Variants in ATP13A2 observed in about 807,000 individuals in gnomAD.
ATP13A2 encodes polyamine-transporting ATPase 13A2.
A neutral mutation model predicts 138.3 loss-of-function variants in ATP13A2; 83 were observed. The observed-to-expected ratio is 0.60, with a 90% confidence interval of 0.50 to 0.72. The LOEUF (loss-of-function observed/expected upper bound fraction) is 0.72, where lower values mean the gene tolerates loss of function less well. Ranked by LOEUF, ATP13A2 falls within the 30% of genes least tolerant of loss-of-function variation. ATP13A2 has a pLI of 0.00. For synonymous variants in ATP13A2, 663 were observed against 699.0 expected, an observed-to-expected ratio of 0.95 and a Z score of 0.81; for missense variants, 1,402 against 1,606.4, an observed-to-expected ratio of 0.87 and a Z score of 2.17.
In ATP13A2 at chr1:17,000,132, C is replaced by T; in HGVS notation, c.918G>A (p.Trp306Ter). Residue 306 changes from tryptophan (W) to a stop codon, truncating the protein, a stop_gained, in exon 11 of 29, where the codon TGG becomes TGA. Transcript: ENST00000326735. LOFTEE classifies it high-confidence loss of function. Reference protein sequence around the residue: ...CVCRPGGEEEWVDSSELVPGD... With the variant: ...CVCRPGGEEE ...CGGGCACTAGCTCACTGGAGTCCAC[C>T]CACTCTTCCTCTGCAGGCAGGCAGG... 6.2e-7 allele frequency: 1 copy of T among 1,613,390 alleles called. No homozygotes were observed. The highest frequency in any genetic ancestry group is 8.5e-7 in the Non-Finnish European group (1 of 1,180,008).
intron 8 of ATP13A2, chr1:17,000,840 G>A (rs1323017175): frequency 8.5e-6 from 3 of 352,580 alleles, no homozygotes; most frequent in African/African-American, 2.1e-5. Flanking sequence ...TACTCAGGAG[G>A]CTGAGGTGGG....
chr1:17,008,224 C>G (rs147650599), intron 1 of ATP13A2, among the ~76,000 whole-genome samples: 6,048 of 152,020 alleles, frequency 0.04, 157 homozygotes, highest in African/African-American at 0.069. Context: ...CTCACTGCAG[C>G]CTTGACCTCC....
chr1:17,002,148 G>A (rs371435378), intron 7 of ATP13A2, 45 bp from the exon 8 acceptor site: 9 of 1,601,904 alleles, frequency 5.6e-6, no homozygotes, highest in Non-Finnish European at 7.7e-6. Flanking sequence ...AGGAGCTGTG[G>A]CTGGACCCTC....
At chr1:16,990,498 C>T (rs1344932642) in intron 20 of ATP13A2, among the ~76,000 whole-genome samples, 2 of 152,188 alleles carry the variant, frequency 1.3e-5, no homozygotes, top group African/African-American at 4.8e-5. Flanking sequence ...GAGCCGTGGG[C>T]TGGAGCTCCA....
In ATP13A2 at chr1:17,005,607, G is replaced by C. The variant is rs751024082; in HGVS notation, c.106-51C>G. ...AGGTCGGGGTGGGAACGGGGCTGGAGTAGGAAGTTGGGGTGTCTGGGTGGG... is the reference window on the plus strand; with the variant it reads ...AGGTCGGGGTGGGAACGGGGCTGGACTAGGAAGTTGGGGTGTCTGGGTGGG... On this transcript the variant is annotated intron_variant, in intron 2 of 28. Transcript: ENST00000326735. 5.0e-6 allele frequency: 8 copies of C among 1,613,740 alleles called. No individual in the cohort carries two copies. The East Asian group carries it at 1.6e-4, about 31-fold the overall frequency.
At position 17,011,830 on chromosome 1, in the gene ATP13A2, G is replaced by A. The variant is rs1173685883; in HGVS notation, c.-92C>T. ...AGGCCCTGGGCGGGGGCGCGGTCCG[G>A]ACGGCCCGGGGCGAGGGGCGCTGGG... is the stretch of plus-strand genomic sequence containing the variant. On this transcript the variant is annotated 5_prime_UTR_variant, in exon 1 of 29. Transcript: ENST00000326735. This position sits in a 1 kb window ranked among gnomAD's most constrained non-coding sequence, Gnocchi z 7.3. The A allele has an allele frequency of 1.8e-6, 2 of 1,089,530 alleles. No homozygotes were observed. The highest frequency in any genetic ancestry group is 5.2e-5 in the Admixed American group (1 of 19,302). The allele number at this position is 1,089,530 out of a possible 1,614,324, so 67.5% of individuals were successfully genotyped here.
chr1:16,996,622 C>G, intron 12 of ATP13A2, 126 bp from the exon 13 acceptor site: 2 of 774,598 alleles, frequency 2.6e-6, no homozygotes, highest in Non-Finnish European at 4.4e-6. Context: ...TAGCCATCAG[C>G]AGTGTGGAGT....
intron 8 of ATP13A2, 87 bp downstream of exon 8, chr1:17,001,947 G>A (rs537522762): frequency 5.9e-5 from 82 of 1,392,196 alleles, no homozygotes; most frequent in East Asian, 3.1e-4. Context: ...GGTTGCCACC[G>A]TAAAGTGGCC....
intron 16 of ATP13A2, among the ~76,000 whole-genome samples, chr1:16,992,799 C>T (rs1186761708): frequency 6.6e-6 from 1 of 152,254 alleles, no homozygotes; most frequent in African/African-American, 2.4e-5. Context: ...CCTCAGCATC[C>T]GTGAAGCAAC....
rs1205042144 is a variant in ATP13A2 at position 16,986,010 on chromosome 1, A to G, written c.*211T>C. On this transcript the variant is annotated 3_prime_UTR_variant, in exon 29 of 29. Transcript: ENST00000326735. This position sits in a 1 kb window ranked among gnomAD's most constrained non-coding sequence, Gnocchi z 6.9. Reference sequence around the variant, plus strand: ...CTACACTGACAGCAGCACTGAGGGGAGCTGGGGGCTGCCACCCCTACGCGG... The same window carrying G: ...CTACACTGACAGCAGCACTGAGGGGGGCTGGGGGCTGCCACCCCTACGCGG... The G allele has an allele frequency of 1.4e-6, 2 of 1,457,308 alleles. No homozygotes were observed. Among genetic ancestry groups the G allele is most frequent in the African/African-American group, 1.4e-5 (1 of 69,670 alleles). 90.3% of individuals were successfully genotyped at this position (1,457,308 alleles called of 1,614,324 possible).
chr1:16,999,213 T>C (rs1056292502), intron 11 of ATP13A2, among the ~76,000 whole-genome samples: 1 of 151,680 alleles, frequency 6.6e-6, no homozygotes, highest in Non-Finnish European at 1.5e-5. Context: ...AAACCCCATC[T>C]CAACTAAAAA....
Position 17,000,055 on chromosome 1 carries a change from G to A in ATP13A2, c.995C>T (p.Ala332Val), listed in dbSNP as rs771794738. 7.4e-6 allele frequency: 12 copies of A among 1,613,124 alleles called. No homozygotes were observed. The South Asian group carries it at 1.3e-4, about 18-fold the overall frequency. Reference protein sequence around the residue: ...QEGGLMPCDAALVAGECMVNE... With the variant: ...QEGGLMPCDAVLVAGECMVNE... ...CACCATGCACTCGCCGGCCACCAGG[G>A]CGGCATCACAGGGCATCAGCCCACC... The change falls in exon 11 of 29, where the codon GCC becomes GTC. Residue 332 changes from alanine (A) to valine (V), a missense_variant. Transcript: ENST00000326735.
chr1:16,992,535 A>G lies in ATP13A2; in HGVS notation c.1796T>C (p.Val599Ala). The change falls in exon 17 of 29, where the codon GTC becomes GCC. Residue 599 changes from valine to alanine, a missense_variant. Physicochemically the swap from Val to Ala is moderately conservative, Grantham distance 64. Coordinates refer to ENST00000326735, the MANE Select transcript of ATP13A2 (RefSeq NM_022089.4). ...AAGTGGGGGTCTCATCACTGCCAAG[A>G]CCTGGGTCCCAAATGCTGAGTCTGC... ...PAADSAFGTQVLAVMRPPLWE... is the reference protein window; with the variant it reads ...PAADSAFGTQALAVMRPPLWE... The G allele has an allele frequency of 1.9e-6, 3 of 1,614,170 alleles. No homozygotes were observed. Among genetic ancestry groups the G allele is most frequent in the Non-Finnish European group, 2.5e-6 (3 of 1,180,014 alleles).
intron 20 of ATP13A2, among the ~76,000 whole-genome samples, chr1:16,990,720 C>T (rs750581344): frequency 4.2e-4 from 64 of 152,036 alleles, no homozygotes; most frequent in Non-Finnish European, 4.4e-5. Flanking sequence ...TGGGGTTTCA[C>T]CATGTTGGCC....
chr1:16,994,064 G>A (rs2077030725), intron 15 of ATP13A2, among the ~76,000 whole-genome samples: 2 of 151,924 alleles, frequency 1.3e-5, no homozygotes, highest in African/African-American at 4.8e-5. Context: ...TCTCTTCCAG[G>A]GTGTCTTCCT....
At chr1:17,002,231 C>A (rs1187556788) in intron 7 of ATP13A2, 65 bp downstream of exon 7, 1 of 1,592,626 alleles carries the variant, frequency 6.3e-7, no homozygotes, top group Non-Finnish European at 8.6e-7. Context: ...TGGAAGGCAA[C>A]CACATTGGGG....
In ATP13A2 at chr1:16,998,058, A is replaced by G. The variant is rs112839654; in HGVS notation, c.1040-883T>C. Among the ~76,000 whole-genome samples, 128 of 152,252 alleles carry G rather than the reference A, an allele frequency of 8.4e-4. 1 individual carries two copies. The highest frequency in any genetic ancestry group is 3.4e-3 in the Middle Eastern group (1 of 294). On this transcript the variant is annotated intron_variant, in intron 11 of 28. Transcript: ENST00000326735. The stretch of plus-strand genomic sequence containing the variant: ...TGCCTGCAGGCTGGGACTATTGAGC[A>G]CCTACTGTGTGCACATTCCTGCAAG...
At chr1:16,988,646 T>A (rs1300786514) in intron 23 of ATP13A2, among the ~76,000 whole-genome samples, 172 bp from the exon 24 acceptor site, 1 of 152,078 alleles carries the variant, frequency 6.6e-6, no homozygotes, top group Non-Finnish European at 1.5e-5. Context: ...TATTATTATT[T>A]TTTGAGACGG....
chr1:16,999,864 G>T, intron 11 of ATP13A2, 147 bp downstream of exon 11: 2 of 1,147,090 alleles, frequency 1.7e-6, no homozygotes, highest in Non-Finnish European at 2.4e-6. Context: ...TCATGTCACT[G>T]CACTCCAGCC....
Sources: gnomAD v4.1 joint callset for allele counts (sites outside exome capture counted in the v4.1 genomes callset) on GRCh38, gnomAD v4.1.1 for gene constraint, Gnocchi (gnomAD v3.1) non-coding constraint, MANE v1.5 for transcripts, NCBI Gene and HGNC (gene_info 2026-07-23, HGNC 2026-07-21) for gene names.